METTL16: variants seen among roughly 807,000 people sequenced by gnomAD.
The protein encoded by METTL16 is methyltransferase 16, RNA N6-adenosine.
METTL16 carries 19 observed loss-of-function variants against 57.9 expected under a neutral mutation model. The observed-to-expected ratio is 0.33, with a 90% CI of 0.23 to 0.48. The LOEUF is 0.48. METTL16 is among the 20% of genes least tolerant of loss of function. METTL16 has a pLI of 0.99. For missense variants in METTL16, 434 were observed against 691.5 expected (o/e 0.63, Z 4.18); for synonymous variants, 246 against 255.6 (o/e 0.96, Z 0.36).
intron 1 of METTL16, among the ~76,000 whole-genome samples, chr17:2,503,144 C>G (rs180901162): frequency 7.9e-4 from 120 of 152,300 alleles, no homozygotes; most frequent in African/African-American, 2.7e-3. Context: ...GATATTTGTA[C>G]AGCAGTGTTC....
intron 2 of METTL16, among the ~76,000 whole-genome samples, chr17:2,499,195 G>A (rs1167860120): frequency 6.6e-6 from 1 of 151,570 alleles, no homozygotes. Context: ...GTGTGACTGT[G>A]GCAGTGACAT....
chr17:2,447,316 C>CT (rs1391958123), intron 6 of METTL16, among the ~76,000 whole-genome samples: 4 of 143,152 alleles, frequency 2.8e-5, no homozygotes, highest in African/African-American at 1.2e-4. Flanking sequence ...GCCGCCCCGT[C>CT]TGAGAAGTGA....
intron 2 of METTL16, among the ~76,000 whole-genome samples, chr17:2,486,034 G>A (rs956316159): frequency 5.3e-5 from 8 of 152,128 alleles, no homozygotes; most frequent in African/African-American, 1.9e-4. Context: ...AAAGCAAACC[G>A]CAAGTACAAA....
At chr17:2,424,736 C>G (rs1415639890) in intron 8 of METTL16, among the ~76,000 whole-genome samples, 2 of 151,922 alleles carry the variant, frequency 1.3e-5, no homozygotes, top group African/African-American at 4.8e-5. Flanking sequence ...ATCACAAGGT[C>G]GGGAGATTGA....
At chr17:2,478,632 T>TTTGCA (rs2067283349) in intron 2 of METTL16, among the ~76,000 whole-genome samples, 1 of 152,210 alleles carries the variant, frequency 6.6e-6, no homozygotes, top group South Asian at 2.1e-4. Flanking sequence ...CTCATGACCA[T>TTTGCA]TTGCATGTCT....
chr17:2,479,806 G>A (rs745563699), intron 2 of METTL16, among the ~76,000 whole-genome samples: 2 of 152,120 alleles, frequency 1.3e-5, no homozygotes, highest in Non-Finnish European at 2.9e-5. Context: ...GAAGTTAGGA[G>A]ATCTGGACTC....
intron 2 of METTL16, among the ~76,000 whole-genome samples, chr17:2,480,710 T>G (rs1343689675): frequency 6.6e-6 from 1 of 152,172 alleles, no homozygotes; most frequent in African/African-American, 2.4e-5. Flanking sequence ...GGGGCTCCCT[T>G]TGGCCAAATC....
intron 8 of METTL16, among the ~76,000 whole-genome samples, chr17:2,434,852 A>C (rs978957123): frequency 2.0e-5 from 3 of 152,196 alleles, no homozygotes; most frequent in Non-Finnish European, 4.4e-5. Context: ...AATGCAGGGG[A>C]TCCTTTTTAA....
chr17:2,440,831 G>GC (rs1472349645), intron 7 of METTL16, among the ~76,000 whole-genome samples: 1 of 151,828 alleles, frequency 6.6e-6, no homozygotes, highest in Non-Finnish European at 1.5e-5. Context: ...AATTAGCTAG[G>GC]CATGGTGCCA....
intron 6 of METTL16, among the ~76,000 whole-genome samples, chr17:2,442,654 G>A (rs1567887030): frequency 1.3e-5 from 2 of 152,036 alleles, no homozygotes; most frequent in Admixed American, 6.6e-5. Flanking sequence ...AAGAGGGGAC[G>A]TCCCACAGAC....
chr17:2,417,058 C>CTTTTTTTTTTTTTTTTTTTTTTTT lies in METTL16; in HGVS notation c.*2888_*2911dup, dbSNP rs59854056. 2.9e-4 allele frequency: 18 copies of CTTTTTTTTTTTTTTTTTTTTTTTT among 61,526 alleles called. 6 individuals carry two copies. In the East Asian group the frequency reaches 5.5e-3, roughly 19 times the overall value. 3.8% of individuals were successfully genotyped at this position (61,526 alleles called of 1,614,324 possible). A position where few individuals can be genotyped will look rare whatever the true frequency, so the allele number is the denominator to read the frequency against. ...TGAAAGCTGGCCTGCTCATGGGTTC[C>CTTTTTTTTTTTTTTTTTTTTTTTT]TTTTTTTTTTTTTTTTTTTTTTTTT... On this transcript the variant is annotated 3_prime_UTR_variant, in exon 10 of 10. Transcript: ENST00000263092.
At chr17:2,481,195 G>A (rs1156241258) in intron 2 of METTL16, among the ~76,000 whole-genome samples, 2 of 148,146 alleles carry the variant, frequency 1.4e-5, no homozygotes, top group Non-Finnish European at 3.0e-5. Context: ...ATGACAGAGT[G>A]AGACCATGTT....
At chr17:2,450,172 G>A (rs1265982460) in intron 6 of METTL16, among the ~76,000 whole-genome samples, 2 of 152,138 alleles carry the variant, frequency 1.3e-5, no homozygotes. Flanking sequence ...AAAATTATAA[G>A]CAAATGTTCA....
intron 2 of METTL16, among the ~76,000 whole-genome samples, chr17:2,500,270 T>C (rs2067477716): frequency 6.6e-6 from 1 of 151,610 alleles, no homozygotes; most frequent in Non-Finnish European, 1.5e-5. Context: ...CCTAATCTTC[T>C]TTTTTTCTTT....
intron 6 of METTL16, among the ~76,000 whole-genome samples, chr17:2,447,372 C>A (rs1181139025): frequency 7.4e-6 from 1 of 135,172 alleles, no homozygotes; most frequent in South Asian, 2.4e-4. Flanking sequence ...AGTGAGGAGC[C>A]CCTCCGTCCA....
chr17:2,488,486 G>A (rs1045525552), intron 2 of METTL16, among the ~76,000 whole-genome samples: 15 of 152,050 alleles, frequency 9.9e-5, no homozygotes, highest in Non-Finnish European at 2.2e-4. Context: ...CAACCCGGGA[G>A]GCGGATAGGT....
At chr17:2,450,531 A>G (rs2067060939) in intron 6 of METTL16, among the ~76,000 whole-genome samples, 1 of 152,202 alleles carries the variant, frequency 6.6e-6, no homozygotes, top group Non-Finnish European at 1.5e-5. Flanking sequence ...CCAACTGCAC[A>G]CTTAAATGGG....
At chr17:2,445,568 T>C (rs897751039) in intron 6 of METTL16, among the ~76,000 whole-genome samples, 3 of 152,132 alleles carry the variant, frequency 2.0e-5, no homozygotes, top group Admixed American at 6.5e-5. Flanking sequence ...GGTGGATCAC[T>C]TGAGGTCAGG....
chr17:2,503,273 C>T (rs2067502977), intron 1 of METTL16, among the ~76,000 whole-genome samples: 1 of 152,114 alleles, frequency 6.6e-6, no homozygotes, highest in South Asian at 2.1e-4. Context: ...CAACAAAATA[C>T]AGTATATCCA....
Sources: gnomAD v4.1 joint callset for allele counts (sites outside exome capture counted in the v4.1 genomes callset) on GRCh38, gnomAD v4.1.1 for gene constraint, MANE v1.5 for transcripts, NCBI Gene and HGNC (gene_info 2026-07-23, HGNC 2026-07-21) for gene names.